Variants in RERE observed in about 807,000 individuals in gnomAD.
RERE encodes arginine-glutamic acid dipeptide repeats protein.
RERE carries 40 observed loss-of-function variants against 146.1 expected under a neutral mutation model. The observed-to-expected ratio is 0.27, with a 90% confidence interval of 0.21 to 0.36. The LOEUF (loss-of-function observed/expected upper bound fraction) is 0.36. Among genes scored for constraint, RERE ranks in the 10% least tolerant of loss-of-function variants. The probability of loss-of-function intolerance (pLI) is 1.00; values close to 1 mark genes in which losing one functional copy is unlikely to be tolerated. For missense variants in RERE, 1,933 were observed against 2,138.7 expected (o/e 0.90, Z 1.90); for synonymous variants, 1,003 against 866.0 (o/e 1.16, Z -2.78).
intron 4 of RERE, among the ~76,000 whole-genome samples, chr1:8,585,146 C>CAAA (rs3082123): frequency 0.01 from 1,317 of 129,994 alleles, 32 homozygotes; most frequent in African/African-American, 0.03. Flanking sequence ...GACTCCATCT[C>CAAA]AAAAAAAAAA....
chr1:8,582,718 T>C (rs971893572), intron 4 of RERE, among the ~76,000 whole-genome samples: 3 of 151,960 alleles, frequency 2.0e-5, no homozygotes, highest in Non-Finnish European at 4.4e-5. Flanking sequence ...TGAAACTCCA[T>C]CTCAAAAACA....
chr1:8,759,544 C>T (rs907797645), intron 1 of RERE, among the ~76,000 whole-genome samples: 1 of 152,136 alleles, frequency 6.6e-6, no homozygotes, highest in Non-Finnish European at 1.5e-5. Context: ...AAAAACAGAA[C>T]GAAAACTGCA....
chr1:8,469,922 A>T (rs572718674), intron 10 of RERE, among the ~76,000 whole-genome samples: 1 of 152,304 alleles, frequency 6.6e-6, no homozygotes, highest in East Asian at 1.9e-4. Context: ...GATGAGCTTA[A>T]TGGGGAAAGA....
At chr1:8,572,960 GAT>G (rs1290882759) in intron 4 of RERE, among the ~76,000 whole-genome samples, 22 of 152,130 alleles carry the variant, frequency 1.4e-4, no homozygotes, top group Non-Finnish European at 2.8e-4. Context: ...ATTGTGACCT[GAT>G]ATGTCATATA....
chr1:8,554,414 C>A (rs1272861497), intron 6 of RERE, among the ~76,000 whole-genome samples: 3 of 151,510 alleles, frequency 2.0e-5, no homozygotes, highest in Non-Finnish European at 4.4e-5. Context: ...TGGCTGAGTG[C>A]GGTGGTTCAC....
intron 4 of RERE, among the ~76,000 whole-genome samples, chr1:8,605,472 G>A (rs1646691792): frequency 6.6e-6 from 1 of 152,054 alleles, no homozygotes; most frequent in African/African-American, 2.4e-5. Flanking sequence ...GACGGGTGCG[G>A]TGGCTCACCC....
intron 12 of RERE, chr1:8,380,933 G>A (rs966179616): frequency 8.8e-6 from 4 of 456,570 alleles, no homozygotes; most frequent in African/African-American, 2.0e-5. Context: ...CTCCTACCAC[G>A]TTCGGCTTCT....
At position 8,491,257 on chromosome 1, in the gene RERE, A is replaced by G. The variant is rs58056907; in HGVS notation, c.1104+3806T>C. 3.4e-3 allele frequency among the ~76,000 whole-genome samples: 492 copies of G among 143,460 alleles called. 28 individuals are homozygous for G. Among genetic ancestry groups the G allele is most frequent in the African/African-American group, 0.014 (460 of 33,186 alleles). 94.1% of individuals were successfully genotyped at this position (143,460 alleles called of 152,430 possible). On this transcript the variant is annotated intron_variant, in intron 10 of 22. Transcript: ENST00000400908. The stretch of plus-strand genomic sequence containing the variant: ...GGAGTTCGAGACCAGCCTGACCAAC[A>G]TGGCGAAACCCTGTCTCTACTAAAA...
intron 3 of RERE, among the ~76,000 whole-genome samples, chr1:8,619,234 G>C (rs979836158): frequency 6.6e-6 from 1 of 152,134 alleles, no homozygotes; most frequent in African/African-American, 2.4e-5. Flanking sequence ...CATCTATGTG[G>C]AGCCGTAACA....
At chr1:8,565,176 T>C (rs1310899411) in intron 4 of RERE, among the ~76,000 whole-genome samples, 4 of 152,146 alleles carry the variant, frequency 2.6e-5, no homozygotes, top group Admixed American at 6.5e-5. Flanking sequence ...ATATAGTTAA[T>C]AACAGTGTAT....
chr1:8,392,414 A>G lies in RERE; in HGVS notation c.1285-26440T>C, dbSNP rs191840745. Among the ~76,000 whole-genome samples the G allele has an allele frequency of 1.6e-4, 25 of 152,368 alleles. No homozygotes were observed. In the Middle Eastern group the frequency reaches 0.01, roughly 62 times the overall value. ...CTGGAAAATGAATATCTCTATCTAT[A>G]TATCTCTCTGTCTATCCATCTATCT... On this transcript the variant is annotated intron_variant, in intron 12 of 22. Coordinates refer to ENST00000400908, the MANE Select transcript of RERE (RefSeq NM_001042681.2).
At chr1:8,448,900 T>C (rs1184944829) in intron 11 of RERE, among the ~76,000 whole-genome samples, 3 of 151,198 alleles carry the variant, frequency 2.0e-5, no homozygotes, top group Non-Finnish European at 4.4e-5. Context: ...GAATTTCTTG[T>C]TTTTGAAAAA....
intron 4 of RERE, among the ~76,000 whole-genome samples, chr1:8,600,877 C>G (rs1646614459): frequency 1.3e-5 from 2 of 151,602 alleles, no homozygotes; most frequent in Admixed American, 6.6e-5. Context: ...GCCTCAGCCT[C>G]CCGAGTAGCT....
At chr1:8,366,049 T>C in intron 12 of RERE, 75 bp from the exon 13 acceptor site, 1 of 1,448,670 alleles carries the variant, frequency 6.9e-7, no homozygotes, top group Non-Finnish European at 9.5e-7. Context: ...TCTGCCACAG[T>C]GGAAAGCTGG....
intron 10 of RERE, among the ~76,000 whole-genome samples, chr1:8,481,749 C>G (rs1271872701): frequency 6.6e-6 from 1 of 152,084 alleles, no homozygotes; most frequent in Non-Finnish European, 1.5e-5. Flanking sequence ...TGGAAAAGCT[C>G]AGGGTGGGAA....
In RERE at chr1:8,585,677, T is replaced by A. The variant is rs115938828; in HGVS notation, c.523-28154A>T. On this transcript the variant is annotated intron_variant, in intron 4 of 22. Transcript: ENST00000400908. ...GGGACAATCTGGCTTCAATAAGGAT[T>A]AGGAATTGCAATTAGCTGAAATCCA... Among the ~76,000 whole-genome samples the A allele has an allele frequency of 3.1e-3, 479 of 152,242 alleles. 2 individuals are homozygous for A. Among genetic ancestry groups the A allele is most frequent in the African/African-American group, 0.011 (458 of 41,548 alleles).
chr1:8,550,943 T>C (rs532078401), intron 6 of RERE, among the ~76,000 whole-genome samples: 1 of 152,236 alleles, frequency 6.6e-6, no homozygotes, highest in African/African-American at 2.4e-5. Flanking sequence ...ATGAACCTAG[T>C]TGCTCATAAC....
intron 1 of RERE, among the ~76,000 whole-genome samples, chr1:8,740,798 C>T (rs1640292141): frequency 6.6e-6 from 1 of 152,188 alleles, no homozygotes; most frequent in Admixed American, 6.5e-5. Context: ...GGGTCAATAA[C>T]ATACATGGAG....
intron 10 of RERE, among the ~76,000 whole-genome samples, chr1:8,486,755 T>TAAAA (rs33956517): frequency 9.8e-5 from 12 of 122,320 alleles, no homozygotes; most frequent in Admixed American, 3.4e-4. Flanking sequence ...GAGTCCATCT[T>TAAAA]AAAAAAAAAA....
Sources: gnomAD v4.1 joint callset for allele counts (sites outside exome capture counted in the v4.1 genomes callset) on GRCh38, gnomAD v4.1.1 for gene constraint, MANE v1.5 for transcripts, NCBI Gene and HGNC (gene_info 2026-07-23, HGNC 2026-07-21) for gene names.